Variants in APBB2 observed in about 807,000 individuals in gnomAD.
The protein encoded by APBB2 is Fe65-like 1.
Under a neutral mutation model 82.5 loss-of-function variants are expected in APBB2, and 38 were observed. The observed-to-expected ratio is 0.46, with a 90% confidence interval of 0.36 to 0.60. APBB2 has a LOEUF of 0.60. Among genes scored for constraint, APBB2 ranks in the 20% least tolerant of loss-of-function variants. The probability of loss-of-function intolerance (pLI) is 0.00; values close to 1 mark genes in which losing one functional copy is unlikely to be tolerated. For missense variants in APBB2, 772 were observed against 972.3 expected, an observed-to-expected ratio of 0.79 and a Z score of 2.74; for synonymous variants, 341 against 368.2, an observed-to-expected ratio of 0.93 and a Z score of 0.85.
intron 17 of APBB2, among the ~76,000 whole-genome samples, chr4:40,821,326 G>T (rs1200526434): frequency 6.6e-6 from 1 of 152,178 alleles, no homozygotes; most frequent in Non-Finnish European, 1.5e-5. Flanking sequence ...CTGAATCCAG[G>T]CTCGGCTCTG....
chr4:41,181,942 C>CAAAAAAAA (rs35142945), intron 1 of APBB2, among the ~76,000 whole-genome samples: 1 of 93,882 alleles, frequency 1.1e-5, no homozygotes, highest in African/African-American at 3.6e-5. Context: ...GAAACTGTCT[C>CAAAAAAAA]AAAAAAAAAA....
intron 6 of APBB2, among the ~76,000 whole-genome samples, chr4:40,969,426 A>G (rs1795425835): frequency 6.6e-6 from 1 of 152,258 alleles, no homozygotes; most frequent in Non-Finnish European, 1.5e-5. Context: ...AATGCTATCA[A>G]GAGTTTGGAG....
At chr4:41,048,533 A>AAAT (rs1421110355) in intron 4 of APBB2, among the ~76,000 whole-genome samples, 1 of 152,206 alleles carries the variant, frequency 6.6e-6, no homozygotes, top group Non-Finnish European at 1.5e-5. Context: ...GCAAGATAGT[A>AAAT]AATAACTGCC....
intron 10 of APBB2, among the ~76,000 whole-genome samples, chr4:40,912,732 A>G (rs1473169330): frequency 6.6e-6 from 1 of 152,196 alleles, no homozygotes; most frequent in Non-Finnish European, 1.5e-5. Context: ...AATGCCAAGC[A>G]AATCTGAGTG....
intron 6 of APBB2, among the ~76,000 whole-genome samples, chr4:41,003,112 T>C (rs900974085): frequency 2.0e-5 from 3 of 152,178 alleles, no homozygotes; most frequent in Admixed American, 1.3e-4. Flanking sequence ...TTATCATGTT[T>C]TTATCTTTTA....
intron 1 of APBB2, among the ~76,000 whole-genome samples, chr4:41,181,575 A>C (rs772899057): frequency 2.3e-4 from 35 of 152,210 alleles, no homozygotes; most frequent in Non-Finnish European, 4.0e-4. Context: ...ATGTAAGCCT[A>C]ACACACTCTT....
intron 2 of APBB2, among the ~76,000 whole-genome samples, chr4:41,107,046 A>C (rs1359234028): frequency 6.6e-6 from 1 of 152,176 alleles, no homozygotes; most frequent in African/African-American, 2.4e-5. Context: ...ACAGTAGCTC[A>C]TGCCTATCAT....
intron 10 of APBB2, among the ~76,000 whole-genome samples, chr4:40,911,640 C>T (rs1283756723): frequency 6.6e-6 from 1 of 152,178 alleles, no homozygotes; most frequent in Non-Finnish European, 1.5e-5. Flanking sequence ...CCATCATAAG[C>T]TGCTGGGGCC....
intron 12 of APBB2, chr4:40,880,489 A>C: frequency 1.0e-6 from 1 of 985,470 alleles, no homozygotes; most frequent in Middle Eastern, 5.2e-4. Flanking sequence ...TGCACTGAAC[A>C]TCTGCATAAG....
At chr4:41,136,750 C>T (rs1757687149) in intron 2 of APBB2, among the ~76,000 whole-genome samples, 1 of 152,052 alleles carries the variant, frequency 6.6e-6, no homozygotes, top group Non-Finnish European at 1.5e-5. Flanking sequence ...CAGCTATGTG[C>T]CAGAGAAGGG....
chr4:41,130,594 C>A lies in APBB2; in HGVS notation c.-261+12393G>T, dbSNP rs150387451. Among the ~76,000 whole-genome samples the A allele has an allele frequency of 4.1e-4, 62 of 152,222 alleles. No individual in the cohort carries two copies. The East Asian group carries it at 0.012, about 28-fold the overall frequency. On this transcript the variant is annotated intron_variant, in intron 2 of 17. Coordinates refer to ENST00000508593, the MANE Select transcript of APBB2 (RefSeq NM_004307.2). ...AAGTCCTTATGATTGCCTAGAGGGCCCCAGAGGGTGGCCCCCTCCTTTCCT... is the reference window on the plus strand; with the variant it reads ...AAGTCCTTATGATTGCCTAGAGGGCACCAGAGGGTGGCCCCCTCCTTTCCT...
chr4:40,968,648 T>C (rs982620902), intron 6 of APBB2, among the ~76,000 whole-genome samples: 3 of 152,206 alleles, frequency 2.0e-5, no homozygotes, highest in Non-Finnish European at 4.4e-5. Context: ...TCTCACAACA[T>C]GCCTTACATA....
At chr4:40,993,531 C>T (rs1802767228) in intron 6 of APBB2, among the ~76,000 whole-genome samples, 1 of 151,700 alleles carries the variant, frequency 6.6e-6, no homozygotes, top group South Asian at 2.1e-4. Context: ...ACTACAGGCA[C>T]GTGCCATCAT....
At chr4:41,099,607 T>C (rs1449467512) in intron 3 of APBB2, among the ~76,000 whole-genome samples, 3 of 152,214 alleles carry the variant, frequency 2.0e-5, no homozygotes, top group Admixed American at 2.0e-4. Context: ...ATTAAATTTA[T>C]AGTAAATACA....
chr4:40,985,650 C>A (rs761212063), intron 6 of APBB2, among the ~76,000 whole-genome samples: 1 of 152,180 alleles, frequency 6.6e-6, no homozygotes, highest in Non-Finnish European at 1.5e-5. Flanking sequence ...AAAACCAGGT[C>A]CATTTCAGTC....
chr4:40,953,953 C>G (rs527786864), intron 6 of APBB2, among the ~76,000 whole-genome samples: 38 of 152,342 alleles, frequency 2.5e-4, no homozygotes, highest in Admixed American at 9.8e-4. Flanking sequence ...CACAAAGTCT[C>G]TCTTGTGCTG....
chr4:40,920,344 C>A (rs1780936973), intron 10 of APBB2, among the ~76,000 whole-genome samples: 1 of 152,216 alleles, frequency 6.6e-6, no homozygotes, highest in African/African-American at 2.4e-5. Context: ...CATTAAACCT[C>A]TTTTCCTTTA....
At chr4:41,051,097 C>T (rs1364268676) in intron 4 of APBB2, among the ~76,000 whole-genome samples, 1 of 152,118 alleles carries the variant, frequency 6.6e-6, no homozygotes, top group Non-Finnish European at 1.5e-5. Context: ...GGAAGGAAAG[C>T]GGAAGTCAGG....
intron 1 of APBB2, among the ~76,000 whole-genome samples, chr4:41,204,238 T>TC (rs1777400558): frequency 6.6e-6 from 1 of 152,154 alleles, no homozygotes; most frequent in South Asian, 2.1e-4. Context: ...TTAGACTTCA[T>TC]CCTGAGGGCA....
Sources: gnomAD v4.1 joint callset for allele counts (sites outside exome capture counted in the v4.1 genomes callset) on GRCh38, gnomAD v4.1.1 for gene constraint, MANE v1.5 for transcripts, NCBI Gene and HGNC (gene_info 2026-07-23, HGNC 2026-07-21) for gene names.